FOXI2: variants seen among roughly 807,000 people sequenced by gnomAD.
The protein encoded by FOXI2 is forkhead box I2.
In FOXI2, 17 loss-of-function variants were observed where a neutral mutation model predicts 14.3. That is an observed-to-expected ratio of 1.19 (90% CI 0.81 to 1.78). The LOEUF is 1.78. FOXI2 is among the 40% of genes most tolerant of loss of function. FOXI2 has a pLI of 0.00. For synonymous variants in FOXI2, 240 were observed against 218.8 expected, an observed-to-expected ratio of 1.10 and a Z score of -0.85; for missense variants, 541 against 460.0, an observed-to-expected ratio of 1.18 and a Z score of -1.61.
chr10:127,737,483 T>C lies in FOXI2; in HGVS notation c.210T>C (p.Ala70=). 7.2e-7 allele frequency: 1 copy of C among 1,392,246 alleles called. No individual in the cohort carries two copies. The highest frequency in any genetic ancestry group is 1.7e-5 in the South Asian group (1 of 60,308). The allele number at this position is 1,392,246 out of a possible 1,614,324, so 86.2% of individuals were successfully genotyped here. ...CCTACGCGGCCCCGAGCTACGGGGC[T>C]CCCGGCCCGCTCCTCGGCGCCCCGG... ...APPYAAPSYG[A]PGPLLGAPGG... Residue 70 remains alanine (A), a synonymous_variant, in exon 1 of 2, where the codon GCT becomes GCC. Transcript: ENST00000388920.
rs546788827 is a variant in FOXI2, at chr10:127,739,959, C to T, written c.*994C>T. 5.9e-5 allele frequency: 2 copies of T among 33,854 alleles called. No individual in the cohort carries two copies. The highest frequency in any genetic ancestry group is 8.4e-5 in the Non-Finnish European group (1 of 11,924). 2.1% of individuals were successfully genotyped at this position (33,854 alleles called of 1,614,324 possible). ...CACACACACTCACACCCACACACACCCACACTCATACTCACACTCACACCC... is the reference window on the plus strand; with the variant it reads ...CACACACACTCACACCCACACACACTCACACTCATACTCACACTCACACCC... On this transcript the variant is annotated 3_prime_UTR_variant, in exon 2 of 2. Coordinates refer to ENST00000388920, the MANE Select transcript of FOXI2 (RefSeq NM_207426.3).
rs1357347634 is a variant in FOXI2 at position 127,740,114 on chromosome 10, CA to C, written c.*1150del. The C allele has an allele frequency of 2.4e-5, 1 of 41,818 alleles. No homozygotes were observed. The highest frequency in any genetic ancestry group is 6.5e-5 in the African/African-American group (1 of 15,452). 2.6% of individuals were successfully genotyped at this position (41,818 alleles called of 1,614,324 possible). On this transcript the variant is annotated 3_prime_UTR_variant, in exon 2 of 2. Coordinates refer to ENST00000388920, the MANE Select transcript of FOXI2 (RefSeq NM_207426.3). The stretch of plus-strand genomic sequence containing the variant: ...CTCACACTCACACCCACACTCACAC[CA>C]CACTCACACCCACACACACCCACAC...
Position 127,740,923 on chromosome 10 carries a change from G to T in FOXI2, c.*1958G>T, listed in dbSNP as rs1198051469. On this transcript the variant is annotated 3_prime_UTR_variant, in exon 2 of 2. Coordinates refer to ENST00000388920, the MANE Select transcript of FOXI2 (RefSeq NM_207426.3). ...CTGGTCATATGTTTCATCAGCAGTG[G>T]CTCCTAACTCCACGTGCCATCTCTG... The T allele has an allele frequency of 6.6e-6, 1 of 152,126 alleles. No homozygotes were observed. The highest frequency in any genetic ancestry group is 2.4e-5 in the African/African-American group (1 of 41,408). The allele number at this position is 152,126 out of a possible 1,614,324, so 9.4% of individuals were successfully genotyped here.
At chr10:127,738,410 C>T in intron 1 of FOXI2, 110 bp from the exon 2 acceptor site, 2 of 821,196 alleles carry the variant, frequency 2.4e-6, no homozygotes, top group Non-Finnish European at 1.9e-6. Context: ...GGACTCAGAC[C>T]CTCTGTAAGG....
rs918774238 is a variant in FOXI2 at position 127,739,199 on chromosome 10, C to T, written c.*234C>T. The T allele has an allele frequency of 1.9e-6, 1 of 519,178 alleles. No homozygotes were observed. Among genetic ancestry groups the T allele is most frequent in the Admixed American group, 3.8e-5 (1 of 26,648 alleles). 32.2% of individuals were successfully genotyped at this position (519,178 alleles called of 1,614,324 possible). ...CCAGGCGACCTTCGGAACCTCCCTG[C>T]TCTGCCTCTAAGTCCAGCCGCCCTG... On this transcript the variant is annotated 3_prime_UTR_variant, in exon 2 of 2. Coordinates refer to ENST00000388920, the MANE Select transcript of FOXI2 (RefSeq NM_207426.3).
Position 127,738,942 on chromosome 10 carries a change from A to G in FOXI2, c.934A>G (p.Ser312Gly). The G allele has an allele frequency of 6.2e-7, 1 of 1,601,066 alleles. No individual in the cohort carries two copies. The highest frequency in any genetic ancestry group is 8.5e-7 in the Non-Finnish European group (1 of 1,179,518). ...CTTCCGCCTCAGTCACCTCCTCTACAGCCGGGAAGGGACCGAAGTTTGAAG... is the reference window on the plus strand; with the variant it reads ...CTTCCGCCTCAGTCACCTCCTCTACGGCCGGGAAGGGACCGAAGTTTGAAG... ...AGFRLSHLLYSREGTEV is the reference protein window; with the variant it reads ...AGFRLSHLLYGREGTEV Residue 312 changes from serine to glycine, a missense_variant, in exon 2 of 2, where the codon AGC becomes GGC. Physicochemically the swap from Ser to Gly is moderately conservative, Grantham distance 56. Transcript: ENST00000388920.
In FOXI2 at chr10:127,738,647, AG is replaced by A. The variant is rs760524095; in HGVS notation, c.643del (p.Ala215ProfsTer38). 2 of 1,598,702 alleles carry A rather than the reference AG, an allele frequency of 1.3e-6. No homozygotes were observed. Among genetic ancestry groups the A allele is most frequent in the Non-Finnish European group, 1.7e-6 (2 of 1,172,526 alleles). ...AVRSGARSVG[G>X]AEAPALEPPS... ...TGCGCTCGGGAGCCAGGAGCGTGGGAGGGGCCGAGGCGCCAGCGCTGGAGCC... is the reference window on the plus strand; with the variant it reads ...TGCGCTCGGGAGCCAGGAGCGTGGGAGGGCCGAGGCGCCAGCGCTGGAGCC... On this transcript the variant is annotated frameshift_variant, in exon 2 of 2. Transcript: ENST00000388920. LOFTEE classifies it low-confidence loss of function (END_TRUNC).
Position 127,739,839 on chromosome 10 carries a change from T to TTACACC in FOXI2, c.*874_*875insTACACC, listed in dbSNP as rs1846477816. The TTACACC allele has an allele frequency of 1.3e-5, 1 of 74,226 alleles. No homozygotes were observed. Among genetic ancestry groups the TTACACC allele is most frequent in the Admixed American group, 1.4e-4 (1 of 7,192 alleles). 4.6% of individuals were successfully genotyped at this position (74,226 alleles called of 1,614,324 possible). ...CCCACACCCACACCCACACCCACAC[T>TTACACC]CACACTCACACTCACACCCACACTC... is the stretch of plus-strand genomic sequence containing the variant. On this transcript the variant is annotated 3_prime_UTR_variant, in exon 2 of 2. Coordinates refer to ENST00000388920, the MANE Select transcript of FOXI2 (RefSeq NM_207426.3).
rs547881891 is a variant in FOXI2, at chr10:127,740,038, A to G, written c.*1073A>G. 2 of 117,904 alleles carry G rather than the reference A, an allele frequency of 1.7e-5. No homozygotes were observed. Among genetic ancestry groups the G allele is most frequent in the South Asian group, 2.9e-4 (1 of 3,452 alleles). 7.3% of individuals were successfully genotyped at this position (117,904 alleles called of 1,614,324 possible). ...GACACCCACACTCACACCCACACTC[A>G]CACTGACACCCACACTCACACCCAC... On this transcript the variant is annotated 3_prime_UTR_variant, in exon 2 of 2. Transcript: ENST00000388920.
In FOXI2 at chr10:127,737,644, C is replaced by G. The variant is rs1846436046; in HGVS notation, c.371C>G (p.Thr124Arg). The G allele has an allele frequency of 6.3e-7, 1 of 1,578,894 alleles. No individual in the cohort carries two copies. The highest frequency in any genetic ancestry group is 1.9e-5 in the Admixed American group (1 of 53,966). Reference sequence around the variant, plus strand: ...CAGAGCGCGCCGCTGCGGAAGCTGACGCTCAGCCAGATCTACCAGTACGTG... The same window carrying G: ...CAGAGCGCGCCGCTGCGGAAGCTGAGGCTCAGCCAGATCTACCAGTACGTG... ...AIQSAPLRKL[T>R]LSQIYQYVAG... is the part of the protein sequence containing the mutation. Residue 124 changes from threonine (T) to arginine (R), a missense_variant, in exon 1 of 2, where the codon ACG becomes AGG. Coordinates refer to ENST00000388920, the MANE Select transcript of FOXI2 (RefSeq NM_207426.3).
rs1276105560 is a variant in FOXI2, at chr10:127,738,981, T to C, written c.*16T>C. 1 of 1,593,184 alleles carries C rather than the reference T, an allele frequency of 6.3e-7. No individual in the cohort carries two copies. The highest frequency in any genetic ancestry group is 1.1e-5 in the South Asian group (1 of 90,332). On this transcript the variant is annotated 3_prime_UTR_variant, in exon 2 of 2. Transcript: ENST00000388920. Reference sequence around the variant, plus strand: ...CGAAGTTTGAAGGGAGGCTGGAGGCTAGCCGGGTGCGGGTCCAGAGGTGCT... The same window carrying C: ...CGAAGTTTGAAGGGAGGCTGGAGGCCAGCCGGGTGCGGGTCCAGAGGTGCT...
chr10:127,739,953 A>ACT lies in FOXI2; in HGVS notation c.*989_*990insTC, dbSNP rs1435925413. The ACT allele has an allele frequency of 6.3e-5, 2 of 31,608 alleles. No individual in the cohort carries two copies. Among genetic ancestry groups the ACT allele is most frequent in the Non-Finnish European group, 1.4e-4 (2 of 14,512 alleles). 2.0% of individuals were successfully genotyped at this position (31,608 alleles called of 1,614,324 possible). A position where few individuals can be genotyped will look rare whatever the true frequency, so the allele number is the denominator to read the frequency against. On this transcript the variant is annotated 3_prime_UTR_variant, in exon 2 of 2. Coordinates refer to ENST00000388920, the MANE Select transcript of FOXI2 (RefSeq NM_207426.3). ...CACACCCACACACACTCACACCCACACACACCCACACTCATACTCACACTC... is the reference window on the plus strand; with the variant it reads ...CACACCCACACACACTCACACCCACACTCACACCCACACTCATACTCACACTC...
rs1564748461 is a variant in FOXI2, at chr10:127,738,576, A to T, written c.568A>T (p.Asn190Tyr). The change falls in exon 2 of 2, where the codon AAC (asparagine) becomes TAC (tyrosine). Residue 190 changes from asparagine (N) to tyrosine (Y), a missense_variant. By Grantham distance (143) the Asn-to-Tyr change is moderately radical (BLOSUM62 -2). Transcript: ENST00000388920. ...PNCEKMFDNG[N>Y]FRRKRKRRAE... ...CTGCGAGAAGATGTTTGACAACGGG[A>T]ACTTCCGAAGGAAGAGGAAGAGGAG... is the stretch of plus-strand genomic sequence containing the variant. 8.1e-6 allele frequency: 13 copies of T among 1,612,896 alleles called. No individual in the cohort carries two copies. The highest frequency in any genetic ancestry group is 1.1e-5 in the Non-Finnish European group (13 of 1,179,464).
In FOXI2 at chr10:127,738,680, C is replaced by T; in HGVS notation, c.672C>T (p.Ser224=). The T allele has an allele frequency of 1.9e-6, 3 of 1,594,692 alleles. No homozygotes were observed. The highest frequency in any genetic ancestry group is 2.3e-5 in the East Asian group (1 of 43,782). The change falls in exon 2 of 2, where the codon AGC becomes AGT. Residue 224 remains serine (S), a synonymous_variant. Coordinates refer to ENST00000388920, the MANE Select transcript of FOXI2 (RefSeq NM_207426.3). ...AGGCGCCAGCGCTGGAGCCCCCGAG[C>T]GCGGCTTGCCTGGACCTGCAGGCCT... ...GAEAPALEPP[S]AACLDLQASP... is the part of the protein sequence containing the mutation.
rs1440686708 is a variant in FOXI2, at chr10:127,739,967, A to G, written c.*1002A>G. On this transcript the variant is annotated 3_prime_UTR_variant, in exon 2 of 2. Coordinates refer to ENST00000388920, the MANE Select transcript of FOXI2 (RefSeq NM_207426.3). Reference sequence around the variant, plus strand: ...CTCACACCCACACACACCCACACTCATACTCACACTCACACCCACACTCAC... The same window carrying G: ...CTCACACCCACACACACCCACACTCGTACTCACACTCACACCCACACTCAC... 1 of 12,240 alleles carries G rather than the reference A, an allele frequency of 8.2e-5. No homozygotes were observed. The highest frequency in any genetic ancestry group is 1.1e-4 in the African/African-American group (1 of 8,780). The allele number at this position is 12,240 out of a possible 1,614,324, so 0.8% of individuals were successfully genotyped here.
chr10:127,738,250 T>A (rs1426160154), intron 1 of FOXI2, among the ~76,000 whole-genome samples: 1 of 151,962 alleles, frequency 6.6e-6, no homozygotes, highest in East Asian at 1.9e-4. Flanking sequence ...GTCCCACCAT[T>A]AGCATCTCGC....
Position 127,738,520 on chromosome 10 carries a change from G to A in FOXI2, c.512G>A (p.Gly171Asp). 1 of 1,609,452 alleles carries A rather than the reference G, an allele frequency of 6.2e-7. No homozygotes were observed. The highest frequency in any genetic ancestry group is 8.5e-7 in the Non-Finnish European group (1 of 1,177,686). Residue 171 changes from glycine to aspartate, a missense_variant and splice_region_variant, in exon 2 of 2, where the codon GGT becomes GAT. Gly to Asp is a moderately conservative substitution (Grantham distance 94). Coordinates refer to ENST00000388920, the MANE Select transcript of FOXI2 (RefSeq NM_207426.3). The part of the protein sequence containing the change: ...KKVPRDEDDP[G>D]KGNYWTLDPN... ...AACTGGGCTGTTTCTTCTTCTGCAGGTAAAGGCAATTACTGGACCCTGGAC... is the reference window on the plus strand; with the variant it reads ...AACTGGGCTGTTTCTTCTTCTGCAGATAAAGGCAATTACTGGACCCTGGAC...
Position 127,739,863 on chromosome 10 carries a change from TCA to T in FOXI2, c.*902_*903del, listed in dbSNP as rs1309841322. On this transcript the variant is annotated 3_prime_UTR_variant, in exon 2 of 2. Coordinates refer to ENST00000388920, the MANE Select transcript of FOXI2 (RefSeq NM_207426.3). Reference sequence around the variant, plus strand: ...CTCACACTCACACTCACACCCACACTCACACCCACACTCACACCCACACCCAC... The same window carrying T: ...CTCACACTCACACTCACACCCACACTCACCCACACTCACACCCACACCCAC... 4.1e-4 allele frequency: 10 copies of T among 24,342 alleles called. 1 individual carries two copies. The highest frequency in any genetic ancestry group is 7.8e-4 in the Non-Finnish European group (8 of 10,278). 1.5% of individuals were successfully genotyped at this position (24,342 alleles called of 1,614,324 possible).
rs775913352 is a variant in FOXI2, at chr10:127,738,501, G to T, written c.512-19G>T. 6.3e-7 allele frequency: 1 copy of T among 1,593,634 alleles called. No homozygotes were observed. The highest frequency in any genetic ancestry group is 8.6e-7 in the Non-Finnish European group (1 of 1,167,574). ...TCAAAGCTCGAACCTTCTGAACTGGGCTGTTTCTTCTTCTGCAGGTAAAGG... is the reference window on the plus strand; with the variant it reads ...TCAAAGCTCGAACCTTCTGAACTGGTCTGTTTCTTCTTCTGCAGGTAAAGG... On this transcript the variant is annotated intron_variant, in intron 1 of 1. Transcript: ENST00000388920.
Sources: allele counts gnomAD v4.1 joint callset (sites outside exome capture counted in the v4.1 genomes callset), GRCh38; gene constraint gnomAD v4.1.1; transcripts MANE v1.5; gene names NCBI Gene and HGNC (gene_info 2026-07-23, HGNC 2026-07-21).